Variants in MTMR9 observed in about 807,000 individuals in gnomAD.
MTMR9 encodes myotubularin related protein 9, also known as myotubularin-related protein 9.
MTMR9 carries 39 observed loss-of-function variants against 69.5 expected under a neutral mutation model. The ratio of observed to expected loss-of-function variants is 0.56; its 90% CI spans 0.43 to 0.73. The LOEUF (loss-of-function observed/expected upper bound fraction) is 0.73. Among genes scored for constraint, MTMR9 ranks in the 30% least tolerant of loss-of-function variants. The probability of loss-of-function intolerance (pLI) is 0.00; values close to 1 mark genes in which losing one functional copy is unlikely to be tolerated. For missense variants in MTMR9, 900 were observed against 671.2 expected, an observed-to-expected ratio of 1.34 and a Z score of -3.77; for synonymous variants, 354 against 240.8, an observed-to-expected ratio of 1.47 and a Z score of -4.35.
the MTMR9 span, among the ~76,000 whole-genome samples, chr8:11,335,792 A>G: frequency 2.3e-3 from 343 of 152,292 alleles, 2 homozygotes; most frequent in Non-Finnish European, 3.2e-3. Context: ...CCCTGTGTGC[A>G]TGTCTCTGTG....
chr8:11,326,469 T>TTTGTTGTGTTG lies in MTMR9; in HGVS notation c.*3688_*3689insGTTGTTGTTGT, dbSNP rs1554506714. 1 of 150,838 alleles carries TTTGTTGTGTTG rather than the reference T, an allele frequency of 6.6e-6. No individual in the cohort carries two copies. The highest frequency in any genetic ancestry group is 2.4e-5 in the African/African-American group (1 of 41,000). 9.3% of individuals were successfully genotyped at this position (150,838 alleles called of 1,614,324 possible). Reference sequence around the variant, plus strand: ...AGTCATTCAGTACATCTGATAAAGTTTTGTTGTTGTTGTTGTTGTTGTTGT... The same window carrying TTTGTTGTGTTG: ...AGTCATTCAGTACATCTGATAAAGTTTTGTTGTGTTGTTGTTGTTGTTGTTGTTGTTGTTGT... On this transcript the variant is annotated 3_prime_UTR_variant, in exon 10 of 10. Coordinates refer to ENST00000221086, the MANE Select transcript of MTMR9 (RefSeq NM_015458.4).
At chr8:11,331,524 G>A (rs145196437), downstream of MTMR9, 397 of 1,613,838 alleles carry the variant, frequency 2.5e-4, 2 homozygotes, top group East Asian at 1.9e-3. Context: ...TTCTTCCACC[G>A]TATGCTCCGC....
At chr8:11,313,927 G>A (rs1444215159) in intron 6 of MTMR9, among the ~76,000 whole-genome samples, 3 of 152,204 alleles carry the variant, frequency 2.0e-5, no homozygotes, top group South Asian at 2.1e-4. Context: ...CTTAATTGAC[G>A]TGGGATAGCT....
intron 2 of MTMR9, among the ~76,000 whole-genome samples, chr8:11,296,145 G>A (rs926146720): frequency 2.0e-5 from 3 of 151,944 alleles, no homozygotes; most frequent in East Asian, 1.9e-4. Flanking sequence ...ATTATTGAAC[G>A]ATAGCACAGT....
chr8:11,330,880 C>A (rs1303152493), downstream of MTMR9: 3 of 899,002 alleles, frequency 3.3e-6, no homozygotes, highest in Non-Finnish European at 4.8e-6. Flanking sequence ...CCTGCCAAAT[C>A]CCCCTCTGCG....
At chr8:11,301,593 G>C (rs1355352479) in intron 3 of MTMR9, among the ~76,000 whole-genome samples, 1 of 152,162 alleles carries the variant, frequency 6.6e-6, no homozygotes, top group Non-Finnish European at 1.5e-5. Flanking sequence ...CCTTCAGTTA[G>C]ACAGAGATTT....
At chr8:11,338,787 AG>A in the MTMR9 span, among the ~76,000 whole-genome samples, 1 of 152,212 alleles carries the variant, frequency 6.6e-6, no homozygotes, top group Non-Finnish European at 1.5e-5. Context: ...GATTGAAGAC[AG>A]GTAGTTCCTT....
chr8:11,290,997 A>G (rs988947693), intron 1 of MTMR9, among the ~76,000 whole-genome samples: 3 of 152,004 alleles, frequency 2.0e-5, no homozygotes, highest in African/African-American at 7.2e-5. Context: ...GGCAGTTGCA[A>G]AAATTGCACA....
At position 11,315,026 on chromosome 8, in the gene MTMR9, C is replaced by G. The variant is rs141801830; in HGVS notation, c.1075C>G (p.Arg359Gly). 3.7e-5 allele frequency: 60 copies of G among 1,613,778 alleles called. No homozygotes were observed. Among genetic ancestry groups the G allele is most frequent in the African/African-American group, 6.7e-5 (5 of 75,004 alleles). Residue 359 changes from arginine to glycine, a missense_variant, in exon 7 of 10, where the codon CGT becomes GGT. By Grantham distance (125) the Arg-to-Gly change is moderately radical (BLOSUM62 -2). Transcript: ENST00000221086. ...CTTAGAGCCAAGAAGCAGGACCATT[C>G]GTGGTTTTGAGGCCCTGATTGAAAG... ...IILEPRSRTIRGFEALIEREW... is the reference protein window; with the variant it reads ...IILEPRSRTIGGFEALIEREW...
chr8:11,328,732 G>A (rs1383279550), downstream of MTMR9, among the ~76,000 whole-genome samples: 1 of 152,150 alleles, frequency 6.6e-6, no homozygotes, highest in African/African-American at 2.4e-5. Context: ...ATAGTTACTA[G>A]TTACAAAGGA....
downstream of MTMR9, among the ~76,000 whole-genome samples, chr8:11,329,548 G>T (rs776670161): frequency 5.3e-5 from 8 of 152,238 alleles, no homozygotes; most frequent in African/African-American, 1.4e-4. Flanking sequence ...GCTCCTAACC[G>T]CGAGTGATCC....
intron 1 of MTMR9, among the ~76,000 whole-genome samples, chr8:11,287,925 T>C: frequency 7.8e-6 from 1 of 128,584 alleles, no homozygotes; most frequent in Non-Finnish European, 1.6e-5. Flanking sequence ...TATTATATAT[T>C]ATATAATATG....
At chr8:11,315,893 C>G (rs539232610) in intron 7 of MTMR9, 2 of 152,320 alleles carry the variant, frequency 1.3e-5, no homozygotes, top group South Asian at 4.1e-4. Context: ...TATCACAATT[C>G]TGTGAACCAC....
At chr8:11,319,932 G>A (rs1003582686) in intron 9 of MTMR9, 94 bp downstream of exon 9, 18 of 1,311,498 alleles carry the variant, frequency 1.4e-5, no homozygotes, top group Non-Finnish European at 1.9e-5. Flanking sequence ...AAGATGGTGA[G>A]CTGGACGTGG....
intron 3 of MTMR9, among the ~76,000 whole-genome samples, 197 bp from the exon 4 acceptor site, chr8:11,304,644 G>A (rs925876224): frequency 2.0e-5 from 3 of 152,212 alleles, no homozygotes; most frequent in African/African-American, 7.2e-5. Context: ...ACCTAGCAAT[G>A]CAGGAAGCTG....
At chr8:11,286,484 A>G (rs1171875378) in intron 1 of MTMR9, among the ~76,000 whole-genome samples, 2 of 151,440 alleles carry the variant, frequency 1.3e-5, no homozygotes, top group African/African-American at 2.4e-5. Context: ...GACCAACATG[A>G]TGAAAGCCCG....
At chr8:11,302,645 A>G (rs1389523303) in intron 3 of MTMR9, among the ~76,000 whole-genome samples, 3 of 152,200 alleles carry the variant, frequency 2.0e-5, no homozygotes, top group Non-Finnish European at 4.4e-5. Flanking sequence ...ATCTTGTATC[A>G]TTCTCTCTAA....
At chr8:11,329,620 A>C (rs181754036), downstream of MTMR9, among the ~76,000 whole-genome samples, 1 of 152,178 alleles carries the variant, frequency 6.6e-6, no homozygotes, top group South Asian at 2.1e-4. Flanking sequence ...TCAGTGCTCA[A>C]TGTTGCCCAG....
intron 3 of MTMR9, among the ~76,000 whole-genome samples, chr8:11,302,410 A>G (rs1434008973): frequency 6.6e-6 from 1 of 151,992 alleles, no homozygotes; most frequent in African/African-American, 2.4e-5. Flanking sequence ...ACCATACAAG[A>G]TAATAAAAAA....
Sources: allele counts gnomAD v4.1 joint callset (sites outside exome capture counted in the v4.1 genomes callset), GRCh38; gene constraint gnomAD v4.1.1; transcripts MANE v1.5; gene names NCBI Gene and HGNC (gene_info 2026-07-23, HGNC 2026-07-21).